The following FANCA variants were observed in gnomAD, a reference collection of about 807,000 sequenced individuals.
The protein encoded by FANCA is Fanconi anemia group A protein.
In FANCA, 236 loss-of-function variants were observed where a neutral mutation model predicts 194.3. The observed-to-expected ratio is 1.21, with a 90% CI of 1.09 to 1.35. FANCA has a LOEUF of 1.35. FANCA is among the 40% of genes most tolerant of loss of function. The probability of loss-of-function intolerance (pLI) is 0.00; values close to 1 mark genes in which losing one functional copy is unlikely to be tolerated. For missense variants in FANCA, 2,628 were observed against 1,813.9 expected, an observed-to-expected ratio of 1.45 and a Z score of -8.15; for synonymous variants, 1,014 against 715.8, an observed-to-expected ratio of 1.42 and a Z score of -6.65.
chr16:89,776,159 CTTTTTTTTTTTTTTTTT>C (rs3069458), intron 20 of FANCA, among the ~76,000 whole-genome samples: 2 of 93,276 alleles, frequency 2.1e-5, no homozygotes, highest in Admixed American at 2.4e-4. Flanking sequence ...CTTTGTTTTT[CTTTTTTTTTTTTTTTTT>C]TTTTTTTTTG....
At chr16:89,739,644 T>C (rs1186497213) in intron 39 of FANCA, 91 bp from the exon 40 acceptor site, 16 of 1,507,700 alleles carry the variant, frequency 1.1e-5, no homozygotes, top group Non-Finnish European at 1.3e-5. Flanking sequence ...ACGTGTACCC[T>C]GGGAGGCCTG....
chr16:89,807,349 G>A (rs1332902603), intron 6 of FANCA, among the ~76,000 whole-genome samples: 1 of 150,822 alleles, frequency 6.6e-6, no homozygotes, highest in Non-Finnish European at 1.5e-5. Flanking sequence ...CCCAGCTACT[G>A]AGGAGGCAGG....
At chr16:89,798,626 T>G in intron 10 of FANCA, 2 of 1,177,024 alleles carry the variant, frequency 1.7e-6, no homozygotes, top group Non-Finnish European at 2.1e-6. Flanking sequence ...CAGCCCCCAC[T>G]CCTCAGCTTC....
At chr16:89,747,004 G>C in intron 33 of FANCA, 114 bp from the exon 34 acceptor site, 1 of 1,033,354 alleles carries the variant, frequency 9.7e-7, no homozygotes, top group Non-Finnish European at 1.5e-6. Flanking sequence ...AAGGCTTGGC[G>C]TGGCCACCAT....
intron 11 of FANCA, among the ~76,000 whole-genome samples, chr16:89,794,131 G>C (rs2040166188): frequency 6.6e-6 from 1 of 152,176 alleles, no homozygotes. Context: ...CCATCTCCCT[G>C]TTTGTTGCCT....
chr16:89,802,377 T>C (rs1054637053), intron 8 of FANCA, among the ~76,000 whole-genome samples: 3 of 151,712 alleles, frequency 2.0e-5, no homozygotes, highest in African/African-American at 7.3e-5. Context: ...TGCTGGATTA[T>C]AGGCATGAGC....
chr16:89,805,814 C>T (rs1461791489), intron 6 of FANCA, among the ~76,000 whole-genome samples: 1 of 152,060 alleles, frequency 6.6e-6, no homozygotes, highest in Non-Finnish European at 1.5e-5. Context: ...TCCCAATTCC[C>T]TTCTGTTGTT....
At chr16:89,815,332 C>T (rs1041503385) in intron 2 of FANCA, among the ~76,000 whole-genome samples, 3 of 141,876 alleles carry the variant, frequency 2.1e-5, no homozygotes, top group Non-Finnish European at 4.6e-5. Flanking sequence ...CCACCACGCC[C>T]GGCTTTTTTT....
Position 89,811,071 on chromosome 16 carries a change from C to T in FANCA, c.284G>A (p.Gly95Asp). Residue 95 changes from glycine (G) to aspartate (D), a missense_variant and splice_region_variant, in exon 4 of 43, where the codon GGC (glycine) becomes GAC (aspartate). By Grantham distance (94) the Gly-to-Asp change is moderately conservative. Transcript: ENST00000389301. ...TGAGGCTTGATCCTGCAAAGCAGAG[C>T]CTTAAACACAAAACAAAACCATAGC... The part of the protein sequence containing the change: ...AYANHSSSFI[G>D]SALQDQASRL... 6.2e-7 allele frequency: 1 copy of T among 1,613,946 alleles called. No individual in the cohort carries two copies. Among genetic ancestry groups the T allele is most frequent in the Non-Finnish European group, 8.5e-7 (1 of 1,180,032 alleles).
rs764351074 is a variant in FANCA at position 89,749,873 on chromosome 16, T to G, written c.3096A>C (p.Gln1032His). The G allele has an allele frequency of 6.2e-7, 1 of 1,614,152 alleles. No homozygotes were observed. The highest frequency in any genetic ancestry group is 8.5e-7 in the Non-Finnish European group (1 of 1,180,028). Residue 1032 changes from glutamine (Q) to histidine (H), a missense_variant, in exon 32 of 43, where the codon CAA becomes CAC. By Grantham distance (24) the Gln-to-His change is conservative. Coordinates refer to ENST00000389301, the MANE Select transcript of FANCA (RefSeq NM_000135.4). ...QEMVADLELQ[Q>H]DLIVPLGHTP... The stretch of plus-strand genomic sequence containing the variant: ...TGTGGCCGAGAGGCACTATGAGGTC[T>G]TGCTGCAGCTCCAGGTCAGCTACCA...
intron 7 of FANCA, 29 bp downstream of exon 7, chr16:89,805,251 C>T: frequency 6.4e-7 from 1 of 1,568,070 alleles, no homozygotes; most frequent in East Asian, 2.2e-5. Flanking sequence ...GAGTTTTACC[C>T]AAGAACCCGC....
At chr16:89,807,039 T>C (rs1394862487) in intron 6 of FANCA, among the ~76,000 whole-genome samples, 1 of 152,116 alleles carries the variant, frequency 6.6e-6, no homozygotes, top group East Asian at 1.9e-4. Flanking sequence ...TAATCTAACT[T>C]GTTCTACCCA....
At position 89,738,370 on chromosome 16, in the gene FANCA, G is replaced by T. The variant is rs190762834; in HGVS notation, c.*231C>A. The T allele has an allele frequency of 5.5e-6, 8 of 1,446,798 alleles. No individual in the cohort carries two copies. The highest frequency in any genetic ancestry group is 6.4e-6 in the Non-Finnish European group (7 of 1,086,060). The allele number at this position is 1,446,798 out of a possible 1,614,324, so 89.6% of individuals were successfully genotyped here. A position where few individuals can be genotyped will look rare whatever the true frequency, so the allele number is the denominator to read the frequency against. ...GCTGCCCGCCCTTGGTGCTGGAGGC[G>T]GGCTTGGTGTCCGGCTCAAGTAGCC... On this transcript the variant is annotated 3_prime_UTR_variant, in exon 43 of 43. Coordinates refer to ENST00000389301, the MANE Select transcript of FANCA (RefSeq NM_000135.4).
intron 35 of FANCA, 101 bp downstream of exon 35, chr16:89,746,483 G>T (rs1349701171): frequency 5.3e-6 from 5 of 937,874 alleles, no homozygotes; most frequent in Non-Finnish European, 8.7e-6. Flanking sequence ...CCCTGAGATG[G>T]TAACACCCGT....
At chr16:89,743,728 CAGG>C (rs1052722581) in intron 36 of FANCA, among the ~76,000 whole-genome samples, 1 of 152,110 alleles carries the variant, frequency 6.6e-6, no homozygotes, top group Non-Finnish European at 1.5e-5. Context: ...GAGACTGAGG[CAGG>C]AGGATCGCTT....
At chr16:89,778,160 TCAA>T (rs2039575367) in intron 20 of FANCA, among the ~76,000 whole-genome samples, 1 of 45,092 alleles carries the variant, frequency 2.2e-5, no homozygotes, top group Non-Finnish European at 4.0e-5. Flanking sequence ...AGACTTCATC[TCAA>T]AAAAAAAAAA....
chr16:89,752,163 T>C lies in FANCA; in HGVS notation c.3041A>G (p.Asn1014Ser), dbSNP rs1279983084. 1.2e-6 allele frequency: 2 copies of C among 1,614,170 alleles called. No individual in the cohort carries two copies. Among genetic ancestry groups the C allele is most frequent in the Admixed American group, 1.7e-5 (1 of 60,016 alleles). ...SDLVFGGRTG[N>S]EDIISRLQEM... ...CTGCAATCTGGAAATAATATCCTCA[T>C]TTCCTGTGCGGCCACCAAAGACCAA... is the stretch of plus-strand genomic sequence containing the variant. Residue 1014 changes from asparagine (N) to serine (S), a missense_variant, in exon 31 of 43, where the codon AAT (asparagine) becomes AGT (serine). Transcript: ENST00000389301.
rs1361652814 is a variant in FANCA, at chr16:89,738,657, T to C, written c.4312A>G (p.Ser1438Gly). Residue 1438 changes from serine (S) to glycine (G), a missense_variant, in exon 43 of 43, where the codon AGC (serine) becomes GGC (glycine). By Grantham distance (56) the Ser-to-Gly change is moderately conservative. Transcript: ENST00000389301. ...CDPEVSAALQ[S>G]RQQAAPDADL... Reference sequence around the variant, plus strand: ...GCGTCAGGGGCAGCCTGCTGTCTGCTCTGGAGGGCGGCGCTCACCTCTGGG... The same window carrying C: ...GCGTCAGGGGCAGCCTGCTGTCTGCCCTGGAGGGCGGCGCTCACCTCTGGG... The C allele has an allele frequency of 6.2e-7, 1 of 1,613,602 alleles. No homozygotes were observed. Among genetic ancestry groups the C allele is most frequent in the South Asian group, 1.1e-5 (1 of 91,054 alleles).
intron 30 of FANCA, among the ~76,000 whole-genome samples, chr16:89,753,816 A>C (rs2038679620): frequency 6.6e-6 from 1 of 152,216 alleles, no homozygotes; most frequent in South Asian, 2.1e-4. Flanking sequence ...GCACTTTGGG[A>C]GGCCGAGGCA....
Sources: gnomAD v4.1 joint callset for allele counts (sites outside exome capture counted in the v4.1 genomes callset) on GRCh38, gnomAD v4.1.1 for gene constraint, MANE v1.5 for transcripts, NCBI Gene and HGNC (gene_info 2026-07-23, HGNC 2026-07-21) for gene names.